TGFBRAP1: variants seen among roughly 807,000 people sequenced by gnomAD.
TGFBRAP1 encodes the protein transforming growth factor-beta receptor-associated protein 1.
TGFBRAP1 carries 20 observed loss-of-function variants against 83.2 expected under a neutral mutation model. The observed-to-expected ratio is 0.24, with a 90% confidence interval of 0.17 to 0.35. The LOEUF is 0.35. Among genes scored for constraint, TGFBRAP1 ranks in the 10% least tolerant of loss-of-function variants. The pLI is 1.00. For synonymous variants in TGFBRAP1, 415 were observed against 459.8 expected (o/e 0.90, Z 1.25); for missense variants, 950 against 1,099.4 (o/e 0.86, Z 1.92).
At chr2:105,261,810 T>C (rs1169183980), downstream of TGFBRAP1, among the ~76,000 whole-genome samples, 1 of 152,098 alleles carries the variant, frequency 6.6e-6, no homozygotes, top group Non-Finnish European at 1.5e-5. Flanking sequence ...AAGGGGCAAC[T>C]GAAAACCACT....
chr2:105,281,744 TTTGTA>T (rs1677545656), intron 5 of TGFBRAP1, among the ~76,000 whole-genome samples: 1 of 152,204 alleles, frequency 6.6e-6, no homozygotes, highest in Admixed American at 6.5e-5. Context: ...ATGTTGCCAG[TTTGTA>T]CATTTCATGA....
intron 1 of TGFBRAP1, among the ~76,000 whole-genome samples, chr2:105,326,376 C>T (rs889474367): frequency 9.9e-5 from 15 of 152,144 alleles, no homozygotes; most frequent in Non-Finnish European, 2.2e-4. Context: ...ATGGCATTTA[C>T]TTCATAACAT....
Position 105,269,844 on chromosome 2 carries a change from A to C in TGFBRAP1, c.1973-139T>G. On this transcript the variant is annotated intron_variant, in intron 10 of 11. Transcript: ENST00000393359. This position sits in a 1 kb window ranked among gnomAD's most constrained non-coding sequence, Gnocchi z 4.1. ...CACAATGCCAAATGCTGCCACCCAG[A>C]TGACTGAGGGTAGGTTTTCTTGCAT... is the stretch of plus-strand genomic sequence containing the variant. 1 of 910,184 alleles carries C rather than the reference A, an allele frequency of 1.1e-6. No individual in the cohort carries two copies. The highest frequency in any genetic ancestry group is 1.6e-6 in the Non-Finnish European group (1 of 635,036). 56.4% of individuals were successfully genotyped at this position (910,184 alleles called of 1,614,324 possible). A position where few individuals can be genotyped will look rare whatever the true frequency, so the allele number is the denominator to read the frequency against.
At chr2:105,322,686 T>C (rs1020933213) in intron 1 of TGFBRAP1, among the ~76,000 whole-genome samples, 5 of 152,214 alleles carry the variant, frequency 3.3e-5, no homozygotes, top group African/African-American at 1.2e-4. Flanking sequence ...CATACCCATA[T>C]AGCTTAGGGT....
At chr2:105,289,017 C>T (rs1476204528) in intron 4 of TGFBRAP1, among the ~76,000 whole-genome samples, 1 of 152,150 alleles carries the variant, frequency 6.6e-6, no homozygotes, top group African/African-American at 2.4e-5. Flanking sequence ...CACCCTGCAC[C>T]TGTTACTGTC....
chr2:105,267,610 A>G (rs780726570), intron 11 of TGFBRAP1, 51 bp from the exon 12 acceptor site: 3 of 1,606,072 alleles, frequency 1.9e-6, no homozygotes, highest in South Asian at 2.2e-5. Context: ...AAGTATATTT[A>G]AAGTGGCTAC....
chr2:105,323,900 G>A (rs751114790), intron 1 of TGFBRAP1, among the ~76,000 whole-genome samples: 19 of 152,152 alleles, frequency 1.2e-4, no homozygotes, highest in Non-Finnish European at 4.4e-5. Context: ...GATTGTCAGA[G>A]AGCATCTCGA....
chr2:105,273,081 C>T (rs1303335069), intron 9 of TGFBRAP1, 67 bp from the exon 10 acceptor site: 12 of 1,570,344 alleles, frequency 7.6e-6, no homozygotes, highest in Non-Finnish European at 8.6e-7. Context: ...AAGCTCTCCC[C>T]TGTCAGCCAG....
At chr2:105,285,499 C>G (rs899757724) in intron 4 of TGFBRAP1, among the ~76,000 whole-genome samples, 2 of 152,232 alleles carry the variant, frequency 1.3e-5, no homozygotes, top group Non-Finnish European at 2.9e-5. Flanking sequence ...TAAAACCAGG[C>G]CTTTCTGATT....
chr2:105,308,254 C>T lies in TGFBRAP1; in HGVS notation c.48G>A (p.Glu16=). ...AFTLVSAVER[E]LLMGDKERVN... ...CGCGCTCCTTGTCGCCCATCAGCAG[C>T]TCCCGCTCCACAGCAGAGACAAGCG... is the stretch of plus-strand genomic sequence containing the variant. The change falls in exon 2 of 12, where the codon GAG becomes GAA. Residue 16 remains glutamate, a synonymous_variant. Transcript: ENST00000393359. The T allele has an allele frequency of 1.6e-5, 26 of 1,614,166 alleles. No homozygotes were observed. Among genetic ancestry groups the T allele is most frequent in the Non-Finnish European group, 2.2e-5 (26 of 1,180,012 alleles).
At chr2:105,314,319 C>T (rs929939015) in intron 1 of TGFBRAP1, among the ~76,000 whole-genome samples, 2 of 143,558 alleles carry the variant, frequency 1.4e-5, no homozygotes, top group Admixed American at 1.4e-4. Flanking sequence ...GTTGTGATCT[C>T]GGCTCACTGC....
intron 4 of TGFBRAP1, among the ~76,000 whole-genome samples, chr2:105,294,419 C>T (rs564864559): frequency 2.0e-5 from 3 of 151,910 alleles, no homozygotes; most frequent in East Asian, 1.9e-4. Flanking sequence ...GAGATGCCCC[C>T]TAAAGTATTT....
intron 4 of TGFBRAP1, among the ~76,000 whole-genome samples, chr2:105,288,354 C>T (rs1677786921): frequency 6.6e-6 from 1 of 152,172 alleles, no homozygotes; most frequent in Admixed American, 6.5e-5. Context: ...GAGCTCTCGG[C>T]TCTCCAGGGC....
At chr2:105,258,118 G>GC in the TGFBRAP1 span, among the ~76,000 whole-genome samples, 1 of 152,204 alleles carries the variant, frequency 6.6e-6, no homozygotes, top group Non-Finnish European at 1.5e-5. Flanking sequence ...TTCTGCAGTT[G>GC]CATGAACATG....
chr2:105,279,620 A>AGAGGCGG (rs1553402364), intron 6 of TGFBRAP1, among the ~76,000 whole-genome samples: 24 of 150,708 alleles, frequency 1.6e-4, no homozygotes, highest in Non-Finnish European at 2.5e-4. Flanking sequence ...CCTCCCTTTG[A>AGAGGCGG]ATCTGTTTAT....
In TGFBRAP1 at chr2:105,275,632, A is replaced by G. The variant is rs2104323159; in HGVS notation, c.1593T>C (p.Asp531=). Residue 531 remains aspartate, a synonymous_variant, in exon 8 of 12, where the codon GAT becomes GAC. Transcript: ENST00000393359. ...CCTCGTCTAAGCAGTAGGTAAGAAAATCCACGATGTATTCATACAGGTCTG... is the reference window on the plus strand; with the variant it reads ...CCTCGTCTAAGCAGTAGGTAAGAAAGTCCACGATGTATTCATACAGGTCTG... The part of the protein sequence containing the change: ...TRSDLYEYIV[D]FLTYCLDEEL... 1 of 1,614,212 alleles carries G rather than the reference A, an allele frequency of 6.2e-7. No homozygotes were observed. Among genetic ancestry groups the G allele is most frequent in the East Asian group, 2.2e-5 (1 of 44,888 alleles).
chr2:105,304,310 C>T (rs1678412130), intron 2 of TGFBRAP1, among the ~76,000 whole-genome samples: 2 of 152,140 alleles, frequency 1.3e-5, no homozygotes, highest in Non-Finnish European at 2.9e-5. Flanking sequence ...ATGTCTCTAC[C>T]AGGTTCATTA....
chr2:105,253,047 C>A, the TGFBRAP1 span, among the ~76,000 whole-genome samples: 1 of 152,188 alleles, frequency 6.6e-6, no homozygotes, highest in Non-Finnish European at 1.5e-5. Context: ...AGCCACCACG[C>A]CCAGCCAAGG....
chr2:105,289,582 C>T (rs1252749931), intron 4 of TGFBRAP1, among the ~76,000 whole-genome samples: 1 of 152,198 alleles, frequency 6.6e-6, no homozygotes, highest in African/African-American at 2.4e-5. Context: ...CTCACTTGCA[C>T]TCTGTGTAAC....
Sources: allele counts gnomAD v4.1 joint callset (sites outside exome capture counted in the v4.1 genomes callset), GRCh38; gene constraint gnomAD v4.1.1; non-coding constraint Gnocchi (gnomAD v3.1); transcripts MANE v1.5; gene names NCBI Gene and HGNC (gene_info 2026-07-23, HGNC 2026-07-21).